The following PGM5 variants were observed in gnomAD, a reference collection of about 807,000 sequenced individuals.
PGM5 encodes the protein phosphoglucomutase 5.
A neutral mutation model predicts 59.2 loss-of-function variants in PGM5; 23 were observed. That is an observed-to-expected ratio of 0.39 (90% CI 0.28 to 0.55). PGM5 has a LOEUF of 0.55. Among genes scored for constraint, PGM5 ranks in the 20% least tolerant of loss-of-function variants. PGM5 has a pLI of 0.66. For synonymous variants in PGM5, 214 were observed against 286.0 expected (o/e 0.75, Z 2.54); for missense variants, 574 against 748.3 (o/e 0.77, Z 2.72).
At chr9:68,370,542 C>A (rs1554677081) in intron 1 of PGM5, among the ~76,000 whole-genome samples, 2 of 152,134 alleles carry the variant, frequency 1.3e-5, no homozygotes, top group African/African-American at 4.8e-5. Flanking sequence ...TGTTGATGTT[C>A]TGAAGAAAAA....
At chr9:68,358,657 A>G (rs1247627289) in intron 1 of PGM5, among the ~76,000 whole-genome samples, 3 of 151,552 alleles carry the variant, frequency 2.0e-5, no homozygotes, top group African/African-American at 7.3e-5. Context: ...TCATTTTCTC[A>G]TTTATTATTA....
intron 6 of PGM5, among the ~76,000 whole-genome samples, chr9:68,464,887 G>C (rs1257598804): frequency 6.6e-6 from 1 of 152,128 alleles, no homozygotes; most frequent in Non-Finnish European, 1.5e-5. Flanking sequence ...CTATATGGTG[G>C]AGAAAGCAAA....
At chr9:68,391,901 C>T (rs1293834538) in intron 5 of PGM5, among the ~76,000 whole-genome samples, 177 bp downstream of exon 5, 1 of 152,126 alleles carries the variant, frequency 6.6e-6, no homozygotes, top group Non-Finnish European at 1.5e-5. Flanking sequence ...ATAGCGATTA[C>T]TTTTCTTAGT....
chr9:68,404,694 T>C (rs1822757381), intron 6 of PGM5, among the ~76,000 whole-genome samples: 2 of 152,164 alleles, frequency 1.3e-5, no homozygotes, highest in African/African-American at 2.4e-5. Flanking sequence ...TTCCAAGTTC[T>C]TTTAGAGTCC....
chr9:68,524,361 G>A (rs545238504), intron 10 of PGM5, among the ~76,000 whole-genome samples: 1 of 152,174 alleles, frequency 6.6e-6, no homozygotes, highest in South Asian at 2.1e-4. Context: ...AGAAAACCCT[G>A]CAAGGTGGCA....
intron 7 of PGM5, among the ~76,000 whole-genome samples, chr9:68,478,460 T>A (rs1204347338): frequency 1.3e-5 from 2 of 152,226 alleles, no homozygotes; most frequent in African/African-American, 4.8e-5. Context: ...TAACTATCTG[T>A]ATTAATCTCC....
intron 1 of PGM5, among the ~76,000 whole-genome samples, chr9:68,369,492 T>C (rs1554676996): frequency 6.6e-6 from 1 of 152,150 alleles, no homozygotes; most frequent in Non-Finnish European, 1.5e-5. Context: ...ACTGTATACC[T>C]TAAAGATTTC....
At chr9:68,426,996 G>T (rs1259803519) in intron 6 of PGM5, 4 of 152,210 alleles carry the variant, frequency 2.6e-5, no homozygotes, top group African/African-American at 4.8e-5. Flanking sequence ...CAGAGCAGAT[G>T]CCTAATACAT....
intron 10 of PGM5, among the ~76,000 whole-genome samples, chr9:68,508,901 T>G (rs1224155342): frequency 6.6e-6 from 1 of 152,210 alleles, no homozygotes; most frequent in African/African-American, 2.4e-5. Flanking sequence ...CAGTAAATAA[T>G]TTGCTTTGCT....
chr9:68,479,192 C>A (rs1232910198), intron 7 of PGM5, among the ~76,000 whole-genome samples: 10 of 152,120 alleles, frequency 6.6e-5, no homozygotes, highest in African/African-American at 2.4e-4. Flanking sequence ...GCTCTCTGAT[C>A]CCTTCAGAAA....
intron 6 of PGM5, chr9:68,428,660 G>A (rs1455953547): frequency 6.6e-6 from 1 of 152,180 alleles, no homozygotes; most frequent in Non-Finnish European, 1.5e-5. Context: ...GGATTTCCAG[G>A]AGTGCCTGTT....
intron 6 of PGM5, among the ~76,000 whole-genome samples, chr9:68,460,108 C>T (rs1307588423): frequency 6.6e-6 from 1 of 152,136 alleles, no homozygotes; most frequent in Non-Finnish European, 1.5e-5. Context: ...TCTATCACAA[C>T]TTTCTTGAAG....
At chr9:68,455,909 T>C (rs1554684775) in intron 6 of PGM5, among the ~76,000 whole-genome samples, 2 of 152,342 alleles carry the variant, frequency 1.3e-5, no homozygotes, top group Middle Eastern at 3.4e-3. Flanking sequence ...ACATACAATT[T>C]CTTTTTTGTG....
At chr9:68,371,887 G>A (rs1176660933) in intron 1 of PGM5, among the ~76,000 whole-genome samples, 4 of 152,210 alleles carry the variant, frequency 2.6e-5, no homozygotes, top group Non-Finnish European at 5.9e-5. Context: ...AGAGACTGGA[G>A]TGATGTGAAC....
intron 9 of PGM5, among the ~76,000 whole-genome samples, chr9:68,494,595 AT>A (rs576509124): frequency 3.3e-5 from 5 of 152,322 alleles, no homozygotes; most frequent in African/African-American, 1.2e-4. Flanking sequence ...AGGCACCACC[AT>A]TTTTTAAAGA....
chr9:68,375,008 G>T (rs1168158366), intron 1 of PGM5, among the ~76,000 whole-genome samples: 5 of 152,076 alleles, frequency 3.3e-5, no homozygotes, highest in Non-Finnish European at 5.9e-5. Flanking sequence ...GTCATATGAA[G>T]TCTTGGTGGG....
intron 9 of PGM5, among the ~76,000 whole-genome samples, chr9:68,484,784 A>G (rs1389480233): frequency 6.6e-6 from 1 of 151,976 alleles, no homozygotes; most frequent in Non-Finnish European, 1.5e-5. Flanking sequence ...AGAACTAAAG[A>G]TCCCTGTCCT....
intron 6 of PGM5, among the ~76,000 whole-genome samples, chr9:68,403,502 G>C (rs1232231688): frequency 7.2e-5 from 11 of 152,152 alleles, no homozygotes; most frequent in Non-Finnish European, 7.4e-5. Context: ...GTGCCAAAAA[G>C]GTTGGGGACC....
At chr9:68,403,556 A>G (rs1822723396) in intron 6 of PGM5, among the ~76,000 whole-genome samples, 1 of 152,212 alleles carries the variant, frequency 6.6e-6, no homozygotes, top group Non-Finnish European at 1.5e-5. Flanking sequence ...ACAAACCTTC[A>G]GAAGTATTTG....
Sources: gnomAD v4.1 joint callset for allele counts (sites outside exome capture counted in the v4.1 genomes callset) on GRCh38, gnomAD v4.1.1 for gene constraint, MANE v1.5 for transcripts, NCBI Gene and HGNC (gene_info 2026-07-23, HGNC 2026-07-21) for gene names.